The following MMRN2 variants were observed in gnomAD, a reference collection of about 807,000 sequenced individuals.
MMRN2 encodes multimerin-2.
In MMRN2, 53 loss-of-function variants were observed where a neutral mutation model predicts 68.8. The observed-to-expected ratio is 0.77, with a 90% confidence interval of 0.62 to 0.97. The LOEUF is 0.97. Among genes scored for constraint, MMRN2 ranks in the 50% least tolerant of loss-of-function variants. The pLI is 0.00. For missense variants in MMRN2, 1,266 were observed against 1,259.5 expected, an observed-to-expected ratio of 1.01 and a Z score of -0.08; for synonymous variants, 564 against 551.6, an observed-to-expected ratio of 1.02 and a Z score of -0.32.
Position 86,937,143 on chromosome 10 carries a change from A to G in MMRN2, c.2468-18T>C. On this transcript the variant is annotated intron_variant, in intron 6 of 6. Transcript: ENST00000372027. The stretch of plus-strand genomic sequence containing the variant: ...AGGGGATCCTGAAACATAACAGGAC[A>G]GTGCTTAGTGATTCATCCCTTACAC... 3.1e-6 allele frequency: 5 copies of G among 1,609,832 alleles called. No individual in the cohort carries two copies. Among genetic ancestry groups the G allele is most frequent in the Non-Finnish European group, 4.2e-6 (5 of 1,176,802 alleles).
rs1298885800 is a variant in MMRN2 at position 86,942,500 on chromosome 10, T to C, written c.2284A>G (p.Met762Val). The C allele has an allele frequency of 1.2e-6, 2 of 1,614,052 alleles. No homozygotes were observed. The highest frequency in any genetic ancestry group is 1.7e-5 in the Admixed American group (1 of 60,034). ...HSLFGNFQGL[M>V]EANVSLDLGK... ...AGGTCCAGGCTGACGTTGGCTTCCA[T>C]GAGCCCTTGGAAGTTCCCAAAGAGG... The change falls in exon 6 of 7, where the codon ATG becomes GTG. Residue 762 changes from methionine (M) to valine (V), a missense_variant. By Grantham distance (21) the Met-to-Val change is conservative. Coordinates refer to ENST00000372027, the MANE Select transcript of MMRN2 (RefSeq NM_024756.3).
chr10:86,956,346 C>T (rs1260708080), intron 1 of MMRN2, among the ~76,000 whole-genome samples: 1 of 152,240 alleles, frequency 6.6e-6, no homozygotes, highest in African/African-American at 2.4e-5. Flanking sequence ...ACCCAACAAA[C>T]CTGCAACTCA....
chr10:86,941,437 G>T (rs1843961742), intron 6 of MMRN2, among the ~76,000 whole-genome samples: 1 of 152,100 alleles, frequency 6.6e-6, no homozygotes, highest in Admixed American at 6.6e-5. Flanking sequence ...ATATGAATGT[G>T]GTGTCTCCCT....
chr10:86,938,778 T>G (rs1209213761), intron 6 of MMRN2, among the ~76,000 whole-genome samples: 2 of 152,222 alleles, frequency 1.3e-5, no homozygotes, highest in African/African-American at 4.8e-5. Flanking sequence ...CCAGCAAGCC[T>G]TTGTGAATAA....
intron 5 of MMRN2, 37 bp from the exon 6 acceptor site, chr10:86,944,165 G>C: frequency 6.2e-7 from 1 of 1,600,490 alleles, no homozygotes; most frequent in Non-Finnish European, 8.5e-7. Flanking sequence ...AGCCCTGCAG[G>C]AGCAGACACT....
intron 1 of MMRN2, 152 bp downstream of exon 1, chr10:86,957,226 C>G: frequency 1.2e-6 from 1 of 803,730 alleles, no homozygotes; most frequent in Admixed American, 2.2e-5. Context: ...CCAGTCCAGA[C>G]TACTTTTTCA....
Position 86,944,337 on chromosome 10 carries a change from T to A in MMRN2, c.580A>T (p.Ser194Cys). The A allele has an allele frequency of 6.2e-7, 1 of 1,614,046 alleles. No homozygotes were observed. Residue 194 changes from serine to cysteine, a missense_variant, in exon 5 of 7, where the codon AGC (serine) becomes TGC (cysteine). Transcript: ENST00000372027. ...AGGGCTTTCCACAGGCCTGGCAGGC[T>A]GTCTGCCACCCGGTGCACATCATTC... The part of the protein sequence containing the change: ...LQNDVHRVAD[S>C]LPGLWKALPG...
Position 86,943,977 on chromosome 10 carries a change from G to C in MMRN2, c.807C>G (p.Asn269Lys). ...IRNLSLDVEA[N>K]RQAISRVQDS... ...CCTGGACTCTGGAGATGGCCTGGCGGTTGGCCTCCACGTCAAGAGACAGGT... is the reference window on the plus strand; with the variant it reads ...CCTGGACTCTGGAGATGGCCTGGCGCTTGGCCTCCACGTCAAGAGACAGGT... The change falls in exon 6 of 7, where the codon AAC (asparagine) becomes AAG (lysine). Residue 269 changes from asparagine to lysine, a missense_variant. By Grantham distance (94) the Asn-to-Lys change is moderately conservative (BLOSUM62 0). Transcript: ENST00000372027. The surrounding 1 kb of genome is among the most constrained non-coding windows in gnomAD (Gnocchi z 4.2). 6.2e-7 allele frequency: 1 copy of C among 1,614,164 alleles called. No individual in the cohort carries two copies. The highest frequency in any genetic ancestry group is 8.5e-7 in the Non-Finnish European group (1 of 1,180,030).
intron 2 of MMRN2, 25 bp downstream of exon 2, chr10:86,945,536 A>T: frequency 6.4e-7 from 1 of 1,571,888 alleles, no homozygotes; most frequent in Non-Finnish European, 8.6e-7. Flanking sequence ...AGGCCTGGGC[A>T]AATGGCCCAC....
chr10:86,940,525 G>C (rs1202019066), intron 6 of MMRN2, among the ~76,000 whole-genome samples: 1 of 152,226 alleles, frequency 6.6e-6, no homozygotes, highest in Non-Finnish European at 1.5e-5. Context: ...GTTCCTACAT[G>C]AGGTAAGCCT....
In MMRN2 at chr10:86,942,938, C is replaced by A; in HGVS notation, c.1846G>T (p.Glu616Ter). The A allele has an allele frequency of 6.7e-7, 1 of 1,501,942 alleles. No individual in the cohort carries two copies. The highest frequency in any genetic ancestry group is 2.8e-5 in the East Asian group (1 of 35,906). The allele number at this position is 1,501,942 out of a possible 1,614,324, so 93.0% of individuals were successfully genotyped here. A position where few individuals can be genotyped will look rare whatever the true frequency, so the allele number is the denominator to read the frequency against. ...HEAVLAALFG[E>*]EVLEEMSEQT... is the part of the protein sequence containing the mutation. The stretch of plus-strand genomic sequence containing the variant: ...TCAGACATCTCCTCCAGCACCTCCT[C>A]CCCGAAGAGCGCGGCCAGCACCGCC... Residue 616 changes from glutamate (E) to a stop codon, truncating the protein, a stop_gained, in exon 6 of 7, where the codon GAG (glutamate) becomes TAG (stop). Coordinates refer to ENST00000372027, the MANE Select transcript of MMRN2 (RefSeq NM_024756.3). LOFTEE classifies it high-confidence loss of function.
Position 86,945,477 on chromosome 10 carries a change from C to A in MMRN2, c.294-1G>T. 6.4e-7 allele frequency: 1 copy of A among 1,556,884 alleles called. No homozygotes were observed. The highest frequency in any genetic ancestry group is 8.7e-7 in the Non-Finnish European group (1 of 1,149,836). On this transcript the variant is annotated splice_acceptor_variant, in intron 2 of 6. Transcript: ENST00000372027. LOFTEE classifies it high-confidence loss of function. ...CACTGGCTTGTGGGCCATGCGGTAC[C>A]TGGAAGAGGAGAAGGGCTGGCTCAG...
chr10:86,944,454 T>C lies in MMRN2; in HGVS notation c.482-19A>G. 6.2e-7 allele frequency: 1 copy of C among 1,612,330 alleles called. No individual in the cohort carries two copies. Among genetic ancestry groups the C allele is most frequent in the East Asian group, 2.2e-5 (1 of 44,874 alleles). On this transcript the variant is annotated intron_variant, in intron 4 of 6. Coordinates refer to ENST00000372027, the MANE Select transcript of MMRN2 (RefSeq NM_024756.3). Reference sequence around the variant, plus strand: ...AGGTGGCCTAAATACACAGCAGACATAAATGTCAAGGGCTAACTCACCAGG... The same window carrying C: ...AGGTGGCCTAAATACACAGCAGACACAAATGTCAAGGGCTAACTCACCAGG...
intron 4 of MMRN2, among the ~76,000 whole-genome samples, chr10:86,944,811 G>A (rs1589303074): frequency 6.6e-6 from 1 of 152,312 alleles, no homozygotes; most frequent in East Asian, 1.9e-4. Context: ...TCTCTTGGTG[G>A]GTTTCCTGTG....
chr10:86,951,687 T>C (rs1334776877), intron 1 of MMRN2, among the ~76,000 whole-genome samples: 1 of 144,744 alleles, frequency 6.9e-6, no homozygotes, highest in Non-Finnish European at 1.5e-5. Context: ...TATATATAAC[T>C]AATAAAAATG....
intron 6 of MMRN2, among the ~76,000 whole-genome samples, chr10:86,941,804 AAAAAAAAAAAAGAAAAGAAAAAG>A (rs1843971496): frequency 6.8e-6 from 1 of 147,500 alleles, no homozygotes; most frequent in African/African-American, 2.5e-5. Flanking sequence ...ATCTTAAAAA[AAAAAAAAAAAAGAAAAGAAAAAG>A]AAAAAAAAAA....
chr10:86,936,544 A>C lies in MMRN2; in HGVS notation c.*199T>G, dbSNP rs1341675993. The C allele has an allele frequency of 1.5e-6, 1 of 645,998 alleles. No individual in the cohort carries two copies. The highest frequency in any genetic ancestry group is 2.7e-6 in the Non-Finnish European group (1 of 376,954). The allele number at this position is 645,998 out of a possible 1,614,324, so 40.0% of individuals were successfully genotyped here. ...AGGACCATGTCCTGCCCGGAGAAGC[A>C]TTCCAGTCCTTCTCATCATGGAGAA... On this transcript the variant is annotated 3_prime_UTR_variant, in exon 7 of 7. Coordinates refer to ENST00000372027, the MANE Select transcript of MMRN2 (RefSeq NM_024756.3).
intron 6 of MMRN2, among the ~76,000 whole-genome samples, chr10:86,938,053 G>A (rs1189769219): frequency 6.6e-6 from 1 of 152,124 alleles, no homozygotes; most frequent in Non-Finnish European, 1.5e-5. Context: ...TCCCACCTCA[G>A]CCACCTGAGT....
At chr10:86,937,191 T>C in intron 6 of MMRN2, 66 bp from the exon 7 acceptor site, 1 of 1,554,104 alleles carries the variant, frequency 6.4e-7, no homozygotes, top group Non-Finnish European at 8.8e-7. Flanking sequence ...AATTAAACCC[T>C]GAGACCTACC....
Sources: gnomAD v4.1 joint callset for allele counts (sites outside exome capture counted in the v4.1 genomes callset) on GRCh38, gnomAD v4.1.1 for gene constraint, Gnocchi (gnomAD v3.1) non-coding constraint, MANE v1.5 for transcripts, NCBI Gene and HGNC (gene_info 2026-07-23, HGNC 2026-07-21) for gene names.